FHIT: variants seen among roughly 807,000 people sequenced by gnomAD.
The protein encoded by FHIT is bis(5'-adenosyl)-triphosphatase.
Under a neutral mutation model 17.9 loss-of-function variants are expected in FHIT, and 19 were observed. The ratio of observed to expected loss-of-function variants is 1.06; its 90% CI spans 0.74 to 1.56. The LOEUF is 1.56. FHIT is among the 40% of genes most tolerant of loss of function. The probability of loss-of-function intolerance (pLI) is 0.00; values close to 1 mark genes in which losing one functional copy is unlikely to be tolerated. For missense variants in FHIT, 248 were observed against 189.2 expected (o/e 1.31, Z -1.82); for synonymous variants, 81 against 69.7 (o/e 1.16, Z -0.81).
chr3:61,027,195 T>C (rs2083266), intron 3 of FHIT, among the ~76,000 whole-genome samples: 23,550 of 152,104 alleles, frequency 0.15, 2,859 homozygotes, highest in East Asian at 0.63. Context: ...CAAGTGATTC[T>C]CCTACCTCAG....
At chr3:60,908,490 G>A (rs972696860) in intron 3 of FHIT, among the ~76,000 whole-genome samples, 7 of 152,032 alleles carry the variant, frequency 4.6e-5, no homozygotes, top group Non-Finnish European at 7.4e-5. Context: ...GCACAATGGG[G>A]TGCCCTCTTT....
chr3:59,982,089 T>C lies in FHIT; in HGVS notation c.279+29282A>G, dbSNP rs1432473750. On this transcript the variant is annotated intron_variant, in intron 7 of 9. Transcript: ENST00000492590. The stretch of plus-strand genomic sequence containing the variant: ...TCTAGTGACAACATGAAGAGATAAA[T>C]AGACTATTCAAACAGAGCTCTTCGC... Among the ~76,000 whole-genome samples the C allele has an allele frequency of 3.9e-5, 6 of 152,166 alleles. No homozygotes were observed. In the East Asian group the frequency reaches 5.8e-4, roughly 15 times the overall value.
chr3:60,569,917 C>A (rs1294995533), intron 4 of FHIT, among the ~76,000 whole-genome samples: 3 of 151,366 alleles, frequency 2.0e-5, no homozygotes, highest in African/African-American at 4.9e-5. Context: ...TACAATTCAC[C>A]CATTGATGTA....
At chr3:60,301,045 C>G (rs1708440606) in intron 5 of FHIT, among the ~76,000 whole-genome samples, 3 of 152,092 alleles carry the variant, frequency 2.0e-5, no homozygotes, top group South Asian at 4.1e-4. Flanking sequence ...TCCCCCGGAT[C>G]CCTAGAGTTC....
intron 3 of FHIT, among the ~76,000 whole-genome samples, chr3:61,036,209 A>T (rs1367487403): frequency 6.6e-6 from 1 of 152,116 alleles, no homozygotes; most frequent in East Asian, 1.9e-4. Flanking sequence ...GGCAGAACAG[A>T]GTGTGGTAGG....
chr3:60,460,711 C>G (rs926786080), intron 5 of FHIT, among the ~76,000 whole-genome samples: 7 of 152,152 alleles, frequency 4.6e-5, no homozygotes, highest in African/African-American at 1.7e-4. Context: ...TTACAATCCT[C>G]AAAGCATTAA....
At chr3:59,937,269 C>T (rs992014675) in intron 7 of FHIT, among the ~76,000 whole-genome samples, 2 of 152,056 alleles carry the variant, frequency 1.3e-5, no homozygotes, top group Non-Finnish European at 2.9e-5. Context: ...TGTCCAACAG[C>T]CATGGCTGGG....
intron 1 of FHIT, among the ~76,000 whole-genome samples, chr3:61,220,519 A>G (rs1485949560): frequency 6.6e-6 from 1 of 152,222 alleles, no homozygotes; most frequent in Non-Finnish European, 1.5e-5. Flanking sequence ...ATACATTTAG[A>G]GTCCAGGGAG....
chr3:60,081,476 T>C (rs571893225), intron 5 of FHIT, among the ~76,000 whole-genome samples: 7 of 152,210 alleles, frequency 4.6e-5, no homozygotes, highest in Admixed American at 3.9e-4. Flanking sequence ...TCCTTAAAAC[T>C]CAACTCAATC....
chr3:60,493,853 A>T (rs752270045), intron 5 of FHIT, among the ~76,000 whole-genome samples: 2 of 152,186 alleles, frequency 1.3e-5, no homozygotes, highest in African/African-American at 4.8e-5. Context: ...GGAGTGTTGA[A>T]TGGAACATAA....
At chr3:60,351,918 T>C (rs1161740499) in intron 5 of FHIT, among the ~76,000 whole-genome samples, 3 of 152,192 alleles carry the variant, frequency 2.0e-5, no homozygotes, top group Non-Finnish European at 4.4e-5. Flanking sequence ...GCTCTTACCC[T>C]GAAGAAGCCT....
At chr3:61,093,040 T>C (rs1369019004) in intron 2 of FHIT, among the ~76,000 whole-genome samples, 2 of 152,054 alleles carry the variant, frequency 1.3e-5, no homozygotes, top group Non-Finnish European at 2.9e-5. Flanking sequence ...CTAAGACAAA[T>C]CCCAGTGTGG....
At chr3:60,285,816 G>A (rs73836410) in intron 5 of FHIT, among the ~76,000 whole-genome samples, 12,220 of 152,184 alleles carry the variant, frequency 0.08, 681 homozygotes, top group African/African-American at 0.15. Flanking sequence ...TGAGGTACAT[G>A]TGATAATGTA....
chr3:59,779,824 C>T (rs184554363), intron 8 of FHIT, among the ~76,000 whole-genome samples: 65 of 152,332 alleles, frequency 4.3e-4, no homozygotes, highest in African/African-American at 1.5e-3. Flanking sequence ...GCACTTAGCA[C>T]TGTTCGATAA....
chr3:61,113,944 C>T (rs1266404765), intron 2 of FHIT, among the ~76,000 whole-genome samples: 1 of 152,156 alleles, frequency 6.6e-6, no homozygotes, highest in South Asian at 2.1e-4. Context: ...CAAAACACAT[C>T]AAACAGGAAA....
At chr3:60,124,003 T>TAGAGAGAGAG (rs1559653641) in intron 5 of FHIT, among the ~76,000 whole-genome samples, 3 of 24,584 alleles carry the variant, frequency 1.2e-4, no homozygotes, top group Admixed American at 4.8e-4. Context: ...TATATATATA[T>TAGAGAGAGAG]ATATATAGAG....
intron 5 of FHIT, among the ~76,000 whole-genome samples, chr3:60,294,560 A>G (rs1708124936): frequency 1.3e-5 from 2 of 152,168 alleles, no homozygotes; most frequent in South Asian, 4.1e-4. Flanking sequence ...TAAAATAACA[A>G]TTACAAAAGT....
Position 60,207,965 on chromosome 3 carries a change from A to G in FHIT, c.104-193813T>C, listed in dbSNP as rs188727515. Among the ~76,000 whole-genome samples the G allele has an allele frequency of 1.7e-3, 259 of 152,334 alleles. 1 individual carries two copies. Among genetic ancestry groups the G allele is most frequent in the Non-Finnish European group, 2.9e-3 (195 of 68,018 alleles). On this transcript the variant is annotated intron_variant, in intron 5 of 9. Coordinates refer to ENST00000492590, the MANE Select transcript of FHIT (RefSeq NM_002012.4). Reference sequence around the variant, plus strand: ...AGCTCAGGAAGGTGAGGAGCTGGTAAGAGCAAACTGCATGAGACAAGAGTA... The same window carrying G: ...AGCTCAGGAAGGTGAGGAGCTGGTAGGAGCAAACTGCATGAGACAAGAGTA...
intron 3 of FHIT, among the ~76,000 whole-genome samples, chr3:61,019,669 T>A (rs1280010273): frequency 2.0e-5 from 3 of 152,194 alleles, no homozygotes; most frequent in Non-Finnish European, 4.4e-5. Flanking sequence ...GATATTTTAA[T>A]GCAAACACAG....
Sources: gnomAD v4.1 joint callset for allele counts (sites outside exome capture counted in the v4.1 genomes callset) on GRCh38, gnomAD v4.1.1 for gene constraint, MANE v1.5 for transcripts, NCBI Gene and HGNC (gene_info 2026-07-23, HGNC 2026-07-21) for gene names.